PARP3: variants seen among roughly 807,000 people sequenced by gnomAD.
PARP3 encodes protein mono-ADP-ribosyltransferase PARP3.
PARP3 carries 46 observed loss-of-function variants against 58.2 expected under a neutral mutation model. The ratio of observed to expected loss-of-function variants is 0.79; its 90% CI spans 0.62 to 1.01. The LOEUF is 1.01. Ranked by LOEUF, PARP3 falls within the 50% of genes least tolerant of loss-of-function variation. PARP3 has a pLI of 0.00. For missense variants in PARP3, 663 were observed against 683.9 expected, an observed-to-expected ratio of 0.97 and a Z score of 0.34; for synonymous variants, 252 against 266.4, an observed-to-expected ratio of 0.95 and a Z score of 0.53.
At position 51,948,291 on chromosome 3, in the gene PARP3, G is replaced by A. The variant is rs1452929282; in HGVS notation, c.1433-20G>A. The A allele has an allele frequency of 2.5e-6, 4 of 1,608,006 alleles. No individual in the cohort carries two copies. The East Asian group carries it at 6.7e-5, about 27-fold the overall frequency. ...GACCAGTGACCCCTGGGCCACCCTG[G>A]CCCTTGCTGTGCCCTGCAGATCCGA... On this transcript the variant is annotated intron_variant, in intron 10 of 10. Transcript: ENST00000398755.
In PARP3 at chr3:51,943,486, G is replaced by A. The variant is rs1007682490; in HGVS notation, c.131G>A (p.Arg44His). ...EALKAIPAEK[R>H]IIRVDPTCPL... The stretch of plus-strand genomic sequence containing the variant: ...CTCAAGGCCATACCCGCAGAGAAGC[G>A]CATAATCCGCGTGGATCCAACATGT... The change falls in exon 2 of 11, where the codon CGC (arginine) becomes CAC (histidine). Residue 44 changes from arginine to histidine, a missense_variant. Around this residue, in one of 3 missense-constraint regions of PARP3, gnomAD observed 567 missense variants for 553.6 expected, o/e 1.02. Transcript: ENST00000398755. 3.7e-6 allele frequency: 6 copies of A among 1,610,032 alleles called. No homozygotes were observed. Among genetic ancestry groups the A allele is most frequent in the African/African-American group, 2.7e-5 (2 of 74,826 alleles).
rs759976507 is a variant in PARP3 at position 51,943,415 on chromosome 3, G to A, written c.60G>A (p.Arg20=). The A allele has an allele frequency of 6.2e-7, 1 of 1,605,106 alleles. No homozygotes were observed. Among genetic ancestry groups the A allele is most frequent in the Non-Finnish European group, 8.5e-7 (1 of 1,176,650 alleles). The change falls in exon 2 of 11, where the codon CGG becomes CGA. Residue 20 remains arginine, a synonymous_variant. Transcript: ENST00000398755. Reference sequence around the variant, plus strand: ...AGGGCCCTGAGAAGAAGAAGGGCCGGCAGGCAGGAAGGGAGGAGGACCCCT... The same window carrying A: ...AGGGCCCTGAGAAGAAGAAGGGCCGACAGGCAGGAAGGGAGGAGGACCCCT... ...QTEGPEKKKG[R]QAGREEDPFR...
intron 10 of PARP3, 56 bp from the exon 11 acceptor site, chr3:51,948,255 G>A (rs931714156): frequency 7.2e-6 from 11 of 1,535,786 alleles, no homozygotes; most frequent in South Asian, 2.4e-5. Flanking sequence ...GGACTTACTC[G>A]TAAGGCCTGG....
intron 6 of PARP3, 26 bp from the exon 7 acceptor site, chr3:51,945,469 C>A (rs1431852389): frequency 1.9e-6 from 3 of 1,608,346 alleles, no homozygotes; most frequent in South Asian, 2.2e-5. Flanking sequence ...AGTGGGAAGA[C>A]AAACTGCCAG....
intron 2 of PARP3, 134 bp from the exon 3 acceptor site, chr3:51,943,955 C>G (rs759178588): frequency 2.1e-4 from 159 of 775,550 alleles, no homozygotes; most frequent in Non-Finnish European, 2.5e-5. Context: ...AGTGACCCCC[C>G]CAAGCTTCCA....
In PARP3 at chr3:51,945,852, G is replaced by T; in HGVS notation, c.1012-1G>T. 1 of 1,613,562 alleles carries T rather than the reference G, an allele frequency of 6.2e-7. No homozygotes were observed. The highest frequency in any genetic ancestry group is 8.5e-7 in the Non-Finnish European group (1 of 1,179,552). ...GCAACCAGCTTCTGCTCTCCCCACA[G>T]GTGATACAGACCTACTTAGAACAGA... On this transcript the variant is annotated splice_acceptor_variant, in intron 7 of 10. Transcript: ENST00000398755. LOFTEE classifies it high-confidence loss of function.
intron 1 of PARP3, 89 bp downstream of exon 1, chr3:51,942,797 C>G (rs548532804): frequency 1.3e-6 from 2 of 1,511,274 alleles, no homozygotes; most frequent in Non-Finnish European, 1.8e-6. Flanking sequence ...GGCCACTGAT[C>G]CGGAGTTCTG....
intron 9 of PARP3, among the ~76,000 whole-genome samples, chr3:51,947,046 G>T (rs1157156012): frequency 3.3e-5 from 5 of 152,246 alleles, no homozygotes; most frequent in Non-Finnish European, 7.3e-5. Context: ...ATCCAGGCTG[G>T]ATGTGATGGG....
At chr3:51,943,156 A>T (rs1559746300) in intron 1 of PARP3, 198 bp from the exon 2 acceptor site, 1 of 938,968 alleles carries the variant, frequency 1.1e-6, no homozygotes, top group Non-Finnish European at 1.5e-6. Flanking sequence ...TTTCTGAGTG[A>T]CAAAGAGCTG....
chr3:51,946,372 G>T lies in PARP3; in HGVS notation c.1276+29G>T. ...AGGTGCCCCTCTGGGCCAAGCCCTG[G>T]GAGGGTTGGCACTAAGATGGATTGG... On this transcript the variant is annotated intron_variant, in intron 9 of 10. Coordinates refer to ENST00000398755, the MANE Select transcript of PARP3 (RefSeq NM_001003931.4). The surrounding 1 kb of genome is among the most constrained non-coding windows in gnomAD (Gnocchi z 4.6). 14 of 1,558,214 alleles carry T rather than the reference G, an allele frequency of 9.0e-6. No individual in the cohort carries two copies. The highest frequency in any genetic ancestry group is 1.2e-5 in the Non-Finnish European group (14 of 1,149,272).
chr3:51,945,326 C>A, intron 6 of PARP3, 102 bp downstream of exon 6: 1 of 1,398,668 alleles, frequency 7.1e-7, no homozygotes, highest in Non-Finnish European at 9.9e-7. Context: ...GAAGGATGGA[C>A]TGCCTGGGCA....
rs765381897 is a variant in PARP3 at position 51,947,873 on chromosome 3, T to A, written c.1410T>A (p.Ile470=). 6.2e-7 allele frequency: 1 copy of A among 1,613,966 alleles called. No individual in the cohort carries two copies. The highest frequency in any genetic ancestry group is 8.5e-7 in the Non-Finnish European group (1 of 1,179,992). The part of the protein sequence containing the change: ...KSPPPGFDSV[I]ARGHTEPDPT... ...CACCTCCTGGCTTCGACAGTGTCATTGCCCGAGGCCACACCGAGCCTGGTG... is the reference window on the plus strand; with the variant it reads ...CACCTCCTGGCTTCGACAGTGTCATAGCCCGAGGCCACACCGAGCCTGGTG... The change falls in exon 10 of 11, where the codon ATT becomes ATA. Residue 470 remains isoleucine (I), a synonymous_variant. Transcript: ENST00000398755.
At position 51,945,575 on chromosome 3, in the gene PARP3, C is replaced by G. The variant is rs1223044660; in HGVS notation, c.942C>G (p.Pro314=). The G allele has an allele frequency of 8.1e-6, 13 of 1,613,922 alleles. No homozygotes were observed. The highest frequency in any genetic ancestry group is 1.1e-5 in the Non-Finnish European group (13 of 1,180,006). The part of the protein sequence containing the change: ...QEKTVEEVPH[P]LDRDYQLLKC... ...AGACGGTGGAGGAGGTGCCACACCC[C>G]CTGGACCGAGACTACCAGCTTCTCA... The change falls in exon 7 of 11, where the codon CCC becomes CCG. Residue 314 remains proline, a synonymous_variant. Transcript: ENST00000398755.
At position 51,946,494 on chromosome 3, in the gene PARP3, G is replaced by A; in HGVS notation, c.1276+151G>A. ...TGCTCAGTGGGCTGTCCTGGGCTTT[G>A]GTGGCGGGGGGTCTTAGAGAAAGTG... is the stretch of plus-strand genomic sequence containing the variant. On this transcript the variant is annotated intron_variant, in intron 9 of 10. Coordinates refer to ENST00000398755, the MANE Select transcript of PARP3 (RefSeq NM_001003931.4). This position sits in a 1 kb window ranked among gnomAD's most constrained non-coding sequence, Gnocchi z 4.6. 1.5e-6 allele frequency: 1 copy of A among 669,218 alleles called. No homozygotes were observed. The highest frequency in any genetic ancestry group is 2.2e-5 in the South Asian group (1 of 46,382). The allele number at this position is 669,218 out of a possible 1,614,324, so 41.5% of individuals were successfully genotyped here.
chr3:51,946,371 G>A lies in PARP3; in HGVS notation c.1276+28G>A, dbSNP rs756086624. 3.9e-6 allele frequency: 6 copies of A among 1,558,072 alleles called. No homozygotes were observed. On this transcript the variant is annotated intron_variant, in intron 9 of 10. Transcript: ENST00000398755. This position sits in a 1 kb window ranked among gnomAD's most constrained non-coding sequence, Gnocchi z 4.6. ...GAGGTGCCCCTCTGGGCCAAGCCCT[G>A]GGAGGGTTGGCACTAAGATGGATTG...
chr3:51,943,475 C>T lies in PARP3; in HGVS notation c.120C>T (p.Pro40=), dbSNP rs760049436. 1.6e-5 allele frequency: 26 copies of T among 1,610,552 alleles called. No individual in the cohort carries two copies. The highest frequency in any genetic ancestry group is 1.6e-4 in the Middle Eastern group (1 of 6,080). Residue 40 remains proline, a synonymous_variant, in exon 2 of 11, where the codon CCC becomes CCT. Coordinates refer to ENST00000398755, the MANE Select transcript of PARP3 (RefSeq NM_001003931.4). Reference sequence around the variant, plus strand: ...CCGCTGAGGCCCTCAAGGCCATACCCGCAGAGAAGCGCATAATCCGCGTGG... The same window carrying T: ...CCGCTGAGGCCCTCAAGGCCATACCTGCAGAGAAGCGCATAATCCGCGTGG... ...RSTAEALKAI[P]AEKRIIRVDP... is the part of the protein sequence containing the mutation.
Position 51,944,329 on chromosome 3 carries a change from C to T in PARP3, c.313-61C>T. On this transcript the variant is annotated intron_variant, in intron 3 of 10. Transcript: ENST00000398755. This position sits in a 1 kb window ranked among gnomAD's most constrained non-coding sequence, Gnocchi z 4.2. ...CCAGGGCACTCAGCACAGGGCCTGG[C>T]CCGACACACAGGCCAGCAAATGCTG... The T allele has an allele frequency of 3.7e-6, 6 of 1,606,506 alleles. No individual in the cohort carries two copies. Among genetic ancestry groups the T allele is most frequent in the Non-Finnish European group, 5.1e-6 (6 of 1,175,162 alleles).
intron 6 of PARP3, 75 bp downstream of exon 6, chr3:51,945,299 G>A: frequency 6.7e-7 from 1 of 1,497,528 alleles, no homozygotes. Context: ...TGAAGGGCAG[G>A]TGGCCAAGAA....
rs368734491 is a variant in PARP3, at chr3:51,944,068, C to A, written c.184-21C>A. ...CCATCTGACCCCAGCCAGCCTGCCCCCCACCTCCCCTCTGGCCCAGGTGTA... is the reference window on the plus strand; with the variant it reads ...CCATCTGACCCCAGCCAGCCTGCCCACCACCTCCCCTCTGGCCCAGGTGTA... On this transcript the variant is annotated intron_variant, in intron 2 of 10. Transcript: ENST00000398755. The surrounding 1 kb of genome is among the most constrained non-coding windows in gnomAD (Gnocchi z 4.2). The A allele has an allele frequency of 6.2e-7, 1 of 1,611,562 alleles. No homozygotes were observed. Among genetic ancestry groups the A allele is most frequent in the Non-Finnish European group, 8.5e-7 (1 of 1,178,930 alleles).
Sources: gnomAD v4.1 joint callset for allele counts (sites outside exome capture counted in the v4.1 genomes callset) on GRCh38, gnomAD v4.1.1 for gene constraint, gnomAD v4.1.1 regional missense constraint, Gnocchi (gnomAD v3.1) non-coding constraint, MANE v1.5 for transcripts, NCBI Gene and HGNC (gene_info 2026-07-23, HGNC 2026-07-21) for gene names.